The following ZBTB20 variants were observed in gnomAD, a reference collection of about 807,000 sequenced individuals.
The protein encoded by ZBTB20 is zinc finger and BTB domain containing 20.
Under a neutral mutation model 56.9 loss-of-function variants are expected in ZBTB20, and 9 were observed. That is an observed-to-expected ratio of 0.16 (90% confidence interval 0.10 to 0.28). The LOEUF is 0.28. Ranked by LOEUF, ZBTB20 falls within the 10% of genes least tolerant of loss-of-function variation. The probability of loss-of-function intolerance (pLI) is 1.00; values close to 1 mark genes in which losing one functional copy is unlikely to be tolerated. For missense variants in ZBTB20, 655 were observed against 1,003.0 expected (o/e 0.65, Z 4.69); for synonymous variants, 417 against 420.7 (o/e 0.99, Z 0.11).
chr3:115,004,346 C>T (rs773057412), intron 2 of ZBTB20, among the ~76,000 whole-genome samples: 2 of 151,686 alleles, frequency 1.3e-5, no homozygotes, highest in Non-Finnish European at 2.9e-5. Context: ...CTATAATCTC[C>T]GTATATGCAA....
At chr3:114,529,153 T>C (rs891782076) in intron 6 of ZBTB20, 5 of 152,228 alleles carry the variant, frequency 3.3e-5, no homozygotes, top group Admixed American at 6.5e-5. Context: ...TCTCTGCAGA[T>C]AGCTATGGCC....
intron 3 of ZBTB20, among the ~76,000 whole-genome samples, chr3:114,970,430 G>A (rs1230885343): frequency 6.6e-6 from 1 of 152,228 alleles, no homozygotes; most frequent in Non-Finnish European, 1.5e-5. Context: ...CATGAATGCA[G>A]CATTGAGGCA....
At chr3:114,672,054 C>G (rs114091920) in intron 6 of ZBTB20, among the ~76,000 whole-genome samples, 2,842 of 152,098 alleles carry the variant, frequency 0.019, 80 homozygotes, top group African/African-American at 0.064. Flanking sequence ...GTATGTCTGT[C>G]TATAGTTTTT....
Position 114,339,497 on chromosome 3 carries a change from G to A in ZBTB20, c.1805-71C>T, listed in dbSNP as rs2108084689. On this transcript the variant is annotated intron_variant, in intron 11 of 11. Coordinates refer to ENST00000675478, the MANE Select transcript of ZBTB20 (RefSeq NM_001348800.3). The surrounding 1 kb of genome is among the most constrained non-coding windows in gnomAD (Gnocchi z 4.2). ...GCAAGGGATAGAGAATGAAGGACAG[G>A]AAAAACAAGACAACAAAAAAGAAAA... 6.8e-7 allele frequency: 1 copy of A among 1,463,720 alleles called. No homozygotes were observed. The highest frequency in any genetic ancestry group is 9.2e-7 in the Non-Finnish European group (1 of 1,088,754). The allele number at this position is 1,463,720 out of a possible 1,614,324, so 90.7% of individuals were successfully genotyped here.
chr3:114,896,397 C>T (rs2074879929), intron 4 of ZBTB20, among the ~76,000 whole-genome samples: 1 of 152,010 alleles, frequency 6.6e-6, no homozygotes, highest in African/African-American at 2.4e-5. Context: ...TATATACATG[C>T]AATTAATTAT....
chr3:114,654,384 G>T (rs558023783), intron 6 of ZBTB20, among the ~76,000 whole-genome samples: 2 of 151,794 alleles, frequency 1.3e-5, no homozygotes, highest in African/African-American at 4.8e-5. Flanking sequence ...CAACCATGAG[G>T]TATTAAGTTT....
chr3:114,926,619 A>G (rs947439583), intron 3 of ZBTB20, among the ~76,000 whole-genome samples: 12 of 152,264 alleles, frequency 7.9e-5, no homozygotes, highest in African/African-American at 2.7e-4. Context: ...AGAGGGCTGA[A>G]CAAAGGCAGA....
intron 2 of ZBTB20, among the ~76,000 whole-genome samples, chr3:115,064,148 C>A (rs1323372919): frequency 6.6e-6 from 1 of 152,150 alleles, no homozygotes; most frequent in Non-Finnish European, 1.5e-5. Flanking sequence ...TCTTCTAGCT[C>A]AAGTAAAGAC....
At chr3:114,535,492 G>A (rs895749059) in intron 6 of ZBTB20, among the ~76,000 whole-genome samples, 11 of 152,066 alleles carry the variant, frequency 7.2e-5, no homozygotes. Flanking sequence ...AATTGAGGCA[G>A]TAGTTAATAG....
chr3:115,047,787 A>C (rs2081387084), intron 2 of ZBTB20, among the ~76,000 whole-genome samples: 1 of 152,208 alleles, frequency 6.6e-6, no homozygotes, highest in Admixed American at 6.5e-5. Flanking sequence ...TCACTATAGT[A>C]AAGTTAACTT....
chr3:114,520,366 T>G (rs1232490974), intron 6 of ZBTB20, among the ~76,000 whole-genome samples: 6 of 152,124 alleles, frequency 3.9e-5, no homozygotes, highest in African/African-American at 7.2e-5. Flanking sequence ...GAGTAATGAG[T>G]CAACTGACTA....
At position 114,969,725 on chromosome 3, in the gene ZBTB20, G is replaced by A. The variant is rs544870398; in HGVS notation, c.-456+4641C>T. ...GGATGAGACAAATATTCAGTTATAA[G>A]AAAGTATAATATGTATGTTATAACA... On this transcript the variant is annotated intron_variant, in intron 3 of 11. Coordinates refer to ENST00000675478, the MANE Select transcript of ZBTB20 (RefSeq NM_001348800.3). 1.7e-4 allele frequency among the ~76,000 whole-genome samples: 26 copies of A among 152,236 alleles called. 1 individual carries two copies. The highest frequency in any genetic ancestry group is 1.6e-3 in the Admixed American group (25 of 15,284).
intron 7 of ZBTB20, among the ~76,000 whole-genome samples, chr3:114,425,365 C>T (rs1298194916): frequency 1.3e-5 from 2 of 152,180 alleles, no homozygotes; most frequent in South Asian, 4.1e-4. Flanking sequence ...ATTTCTTCTA[C>T]ACGTTGTCTC....
chr3:114,578,889 T>C (rs1349321384), intron 6 of ZBTB20, among the ~76,000 whole-genome samples: 1 of 151,722 alleles, frequency 6.6e-6, no homozygotes, highest in African/African-American at 2.4e-5. Context: ...GTAAATATAA[T>C]TAAGCATTGA....
intron 10 of ZBTB20, among the ~76,000 whole-genome samples, chr3:114,355,611 A>C (rs965540778): frequency 6.6e-6 from 1 of 152,204 alleles, no homozygotes; most frequent in Non-Finnish European, 1.5e-5. Flanking sequence ...CAGCAAGGCA[A>C]AGTCCAGGCT....
intron 1 of ZBTB20, among the ~76,000 whole-genome samples, chr3:115,092,960 A>G (rs2083252332): frequency 6.6e-6 from 1 of 152,106 alleles, no homozygotes; most frequent in Non-Finnish European, 1.5e-5. Context: ...TGACTTTTAG[A>G]TAGAAAATGC....
intron 7 of ZBTB20, among the ~76,000 whole-genome samples, chr3:114,450,595 A>ATGTCATCT (rs2091545680): frequency 1.3e-5 from 2 of 152,180 alleles, no homozygotes; most frequent in African/African-American, 4.8e-5. Context: ...ATGGGTTTAA[A>ATGTCATCT]GAATGTAATG....
At chr3:114,756,512 T>C (rs2068021875) in intron 5 of ZBTB20, among the ~76,000 whole-genome samples, 1 of 152,208 alleles carries the variant, frequency 6.6e-6, no homozygotes, top group African/African-American at 2.4e-5. Flanking sequence ...TCTGAAAACA[T>C]TTTTATGTAA....
At chr3:114,725,328 C>A (rs2065195451) in intron 5 of ZBTB20, among the ~76,000 whole-genome samples, 2 of 152,210 alleles carry the variant, frequency 1.3e-5, no homozygotes. Context: ...CTTTTCATCA[C>A]TACTGGGTAC....
Sources: gnomAD v4.1 joint callset for allele counts (sites outside exome capture counted in the v4.1 genomes callset) on GRCh38, gnomAD v4.1.1 for gene constraint, Gnocchi (gnomAD v3.1) non-coding constraint, MANE v1.5 for transcripts, NCBI Gene and HGNC (gene_info 2026-07-23, HGNC 2026-07-21) for gene names.